FKBP5: variants seen among roughly 807,000 people sequenced by gnomAD.
The protein encoded by FKBP5 is FKBP prolyl isomerase 5.
Under a neutral mutation model 50.5 loss-of-function variants are expected in FKBP5, and 23 were observed. The observed-to-expected ratio is 0.46, with a 90% CI of 0.33 to 0.65. The LOEUF is 0.65. FKBP5 is among the 30% of genes least tolerant of loss of function. FKBP5 has a pLI of 0.02. For missense variants in FKBP5, 411 were observed against 553.1 expected, an observed-to-expected ratio of 0.74 and a Z score of 2.58; for synonymous variants, 176 against 190.6, an observed-to-expected ratio of 0.92 and a Z score of 0.63.
At chr6:35,641,880 C>A (rs1055030362) in intron 2 of FKBP5, among the ~76,000 whole-genome samples, 4 of 151,864 alleles carry the variant, frequency 2.6e-5, no homozygotes, top group Non-Finnish European at 5.9e-5. Context: ...CCTGTAATCC[C>A]AGCTACTCGG....
At chr6:35,712,891 A>G (rs1170231058) in intron 2 of FKBP5, among the ~76,000 whole-genome samples, 1 of 152,032 alleles carries the variant, frequency 6.6e-6, no homozygotes, top group Non-Finnish European at 1.5e-5. Flanking sequence ...TTTCCTGTTC[A>G]GGTCCTGTGG....
intron 1 of FKBP5, among the ~76,000 whole-genome samples, chr6:35,649,112 G>A (rs1400704916): frequency 1.3e-5 from 2 of 151,774 alleles, no homozygotes; most frequent in Admixed American, 6.6e-5. Context: ...TTAGCCGGGC[G>A]TGGTGGCGAG....
At chr6:35,666,418 AAGG>A (rs1384286769) in intron 1 of FKBP5, among the ~76,000 whole-genome samples, 2 of 146,392 alleles carry the variant, frequency 1.4e-5, no homozygotes, top group African/African-American at 2.5e-5. Context: ...AAAAAAAAAA[AAGG>A]AGGGGAGTGG....
intron 1 of FKBP5, among the ~76,000 whole-genome samples, chr6:35,650,469 T>G (rs1436733095): frequency 6.6e-6 from 1 of 151,844 alleles, no homozygotes; most frequent in Non-Finnish European, 1.5e-5. Context: ...GTGTAATTTA[T>G]TTTTTATTTT....
chr6:35,651,947 G>C, intron 1 of FKBP5: 1 of 839,522 alleles, frequency 1.2e-6, no homozygotes, highest in South Asian at 2.2e-5. Flanking sequence ...AGGTGTTGCA[G>C]GAAGTCAGGG....
rs143046873 is a variant in FKBP5 at position 35,606,807 on chromosome 6, C to G, written c.509-9403G>C. On this transcript the variant is annotated intron_variant, in intron 5 of 10. Transcript: ENST00000357266. ...CTGTGGAAAGCAGTTTTGGAAATTT[C>G]TCGAAGAACTAAAAATCAAAGTACC... Among the ~76,000 whole-genome samples the G allele has an allele frequency of 1.1e-4, 16 of 150,888 alleles. No individual in the cohort carries two copies. In the East Asian group the frequency reaches 3.1e-3, roughly 30 times the overall value.
intron 1 of FKBP5, chr6:35,720,587 C>T (rs1334506200): frequency 6.6e-6 from 1 of 152,286 alleles, no homozygotes; most frequent in East Asian, 1.9e-4. Flanking sequence ...ATGCAGGATC[C>T]TAGCAGAGGA....
upstream of FKBP5, among the ~76,000 whole-genome samples, chr6:35,692,939 TTC>T (rs1766016198): frequency 6.6e-6 from 1 of 152,058 alleles, no homozygotes; most frequent in South Asian, 2.1e-4. Flanking sequence ...TTTTTCTTCT[TTC>T]TTTCTGGGGC....
At chr6:35,616,704 T>C (rs1047525094) in intron 5 of FKBP5, among the ~76,000 whole-genome samples, 7 of 152,194 alleles carry the variant, frequency 4.6e-5, no homozygotes, top group Non-Finnish European at 7.3e-5. Flanking sequence ...TTGTCTATAA[T>C]TGGGAAAAGT....
At position 35,672,773 on chromosome 6, in the gene FKBP5, T is replaced by C. The variant is rs555159641; in HGVS notation, c.-20+16031A>G. On this transcript the variant is annotated intron_variant, in intron 1 of 10. Transcript: ENST00000357266. The stretch of plus-strand genomic sequence containing the variant: ...AACTTGTCTCTACTAAAAAAAAAAA[T>C]ACAAAAAATTAGCTGGCGTAGTGGC... Among the ~76,000 whole-genome samples, 34 of 133,510 alleles carry C rather than the reference T, an allele frequency of 2.5e-4. No individual in the cohort carries two copies. In the East Asian group the frequency reaches 4.7e-3, roughly 18 times the overall value. The allele number at this position is 133,510 out of a possible 152,430, so 87.6% of individuals were successfully genotyped here. A position where few individuals can be genotyped will look rare whatever the true frequency, so the allele number is the denominator to read the frequency against.
chr6:35,647,576 C>G (rs925145598), intron 1 of FKBP5, among the ~76,000 whole-genome samples: 8 of 152,212 alleles, frequency 5.3e-5, no homozygotes, highest in African/African-American at 1.9e-4. Context: ...AAGAGCAGCT[C>G]TTCCCAGGGA....
intron 5 of FKBP5, among the ~76,000 whole-genome samples, chr6:35,607,331 GAGT>G (rs1256294015): frequency 6.6e-6 from 1 of 150,410 alleles, no homozygotes; most frequent in African/African-American, 2.4e-5. Context: ...ACAGCCTCCT[GAGT>G]AGCCGGCACT....
At chr6:35,702,077 A>C (rs1336469747) in intron 2 of FKBP5, among the ~76,000 whole-genome samples, 1 of 151,012 alleles carries the variant, frequency 6.6e-6, no homozygotes, top group Non-Finnish European at 1.5e-5. Context: ...GGAACTCCTG[A>C]CCTCAAGTGA....
intron 2 of FKBP5, among the ~76,000 whole-genome samples, chr6:35,637,481 T>C (rs1581840502): frequency 1.1e-5 from 1 of 94,008 alleles, no homozygotes; most frequent in East Asian, 3.6e-4. Flanking sequence ...TTTTTTTTTT[T>C]GAGACGGAGT....
intron 3 of FKBP5, among the ~76,000 whole-genome samples, chr6:35,631,814 G>C (rs887991645): frequency 1.3e-5 from 2 of 151,948 alleles, no homozygotes; most frequent in Middle Eastern, 3.2e-3. Flanking sequence ...AATTAGCCAG[G>C]CATGGTAGTA....
chr6:35,720,145 C>T (rs1258175978), intron 2 of FKBP5, among the ~76,000 whole-genome samples: 3 of 152,188 alleles, frequency 2.0e-5, no homozygotes, highest in East Asian at 1.9e-4. Flanking sequence ...GCTGGTCTTC[C>T]GGGGGTGCCT....
intron 1 of FKBP5, chr6:35,651,975 C>T (rs555193070): frequency 9.2e-5 from 36 of 390,072 alleles, no homozygotes; most frequent in Non-Finnish European, 1.2e-4. Context: ...ACGGAGGAAC[C>T]GGCTGAAGCC....
Position 35,660,146 on chromosome 6 carries a change from T to C in FKBP5, c.-19-17303A>G, listed in dbSNP as rs904273180. ...ACCTGTGGGCTTCTTAGGAATACAT[T>C]AGTTTCTAAATATTTAATAATTTTC... On this transcript the variant is annotated intron_variant, in intron 1 of 10. Transcript: ENST00000357266. 5.9e-5 allele frequency among the ~76,000 whole-genome samples: 5 copies of C among 84,562 alleles called. 1 individual carries two copies. The highest frequency in any genetic ancestry group is 1.2e-4 in the Admixed American group (1 of 8,156). The allele number at this position is 84,562 out of a possible 152,430, so 55.5% of individuals were successfully genotyped here. A position where few individuals can be genotyped will look rare whatever the true frequency, so the allele number is the denominator to read the frequency against.
At chr6:35,603,794 C>T (rs994093170) in intron 5 of FKBP5, among the ~76,000 whole-genome samples, 1 of 152,048 alleles carries the variant, frequency 6.6e-6, no homozygotes, top group Non-Finnish European at 1.5e-5. Context: ...AACCATCTGC[C>T]TCCCGAGTTC....
Sources: gnomAD v4.1 joint callset for allele counts (sites outside exome capture counted in the v4.1 genomes callset) on GRCh38, gnomAD v4.1.1 for gene constraint, MANE v1.5 for transcripts, NCBI Gene and HGNC (gene_info 2026-07-23, HGNC 2026-07-21) for gene names.